NR5A2: variants seen among roughly 807,000 people sequenced by gnomAD.
The protein encoded by NR5A2 is nuclear receptor subfamily 5 group A member 2.
NR5A2 carries 26 observed loss-of-function variants against 62.7 expected under a neutral mutation model. The observed-to-expected ratio is 0.41, with a 90% CI of 0.30 to 0.58. The LOEUF (loss-of-function observed/expected upper bound fraction) is 0.58, where lower values mean the gene tolerates loss of function less well. Ranked by LOEUF, NR5A2 falls within the 20% of genes least tolerant of loss-of-function variation. The probability of loss-of-function intolerance (pLI) is 0.22; values close to 1 mark genes in which losing one functional copy is unlikely to be tolerated. For missense variants in NR5A2, 541 were observed against 669.1 expected, an observed-to-expected ratio of 0.81 and a Z score of 2.11; for synonymous variants, 246 against 241.7, an observed-to-expected ratio of 1.02 and a Z score of -0.16.
chr1:200,157,605 C>G (rs934584700), intron 7 of NR5A2, among the ~76,000 whole-genome samples: 1 of 152,146 alleles, frequency 6.6e-6, no homozygotes, highest in Non-Finnish European at 1.5e-5. Flanking sequence ...TACACAAATA[C>G]AAAACAAATT....
intron 7 of NR5A2, among the ~76,000 whole-genome samples, chr1:200,158,178 CTTAA>C (rs975399706): frequency 6.6e-4 from 101 of 152,250 alleles, no homozygotes; most frequent in African/African-American, 2.3e-3. Context: ...CAGTCTAATG[CTTAA>C]TTAAAGTAAC....
rs767393832 is a variant in NR5A2, at chr1:200,034,783, CTTTTTTT to C, written c.65-4850_65-4844del. On this transcript the variant is annotated intron_variant, in intron 1 of 7. Coordinates refer to ENST00000367362, the MANE Select transcript of NR5A2 (RefSeq NM_205860.3). Reference sequence around the variant, plus strand: ...GTTATTCACACGTGCAGCAGAAAGGCTTTTTTTTTTTTTTTTTTTTTTTTTTTTTTTA... The same window carrying C: ...GTTATTCACACGTGCAGCAGAAAGGCTTTTTTTTTTTTTTTTTTTTTTTTA... Among the ~76,000 whole-genome samples the C allele has an allele frequency of 8.5e-3, 607 of 71,258 alleles. 9 individuals are homozygous for C. Among genetic ancestry groups the C allele is most frequent in the African/African-American group, 0.027 (506 of 18,892 alleles). 46.7% of individuals were successfully genotyped at this position (71,258 alleles called of 152,430 possible).
At chr1:200,073,006 A>C (rs1233092854) in intron 5 of NR5A2, among the ~76,000 whole-genome samples, 2 of 152,134 alleles carry the variant, frequency 1.3e-5, no homozygotes, top group Non-Finnish European at 1.5e-5. Context: ...TAGGTGACAC[A>C]AGATGTGATG....
intron 7 of NR5A2, among the ~76,000 whole-genome samples, chr1:200,129,227 A>ACT (rs140010775): frequency 0.041 from 6,049 of 149,000 alleles, 137 homozygotes; most frequent in East Asian, 0.067. Flanking sequence ...CACTTTTGAG[A>ACT]CTCTCTCTCT....
At chr1:200,172,390 A>T (rs1654223709) in intron 7 of NR5A2, among the ~76,000 whole-genome samples, 1 of 152,202 alleles carries the variant, frequency 6.6e-6, no homozygotes, top group African/African-American at 2.4e-5. Flanking sequence ...TCCAGAGCAC[A>T]CCAATGTGGT....
intron 7 of NR5A2, among the ~76,000 whole-genome samples, chr1:200,141,271 C>T (rs114267286): frequency 0.015 from 2,259 of 152,132 alleles, 64 homozygotes; most frequent in African/African-American, 0.051. Context: ...TTTATAGCAC[C>T]CACCCCTCCC....
intron 5 of NR5A2, among the ~76,000 whole-genome samples, chr1:200,099,530 C>T (rs2253771): frequency 0.3 from 45,326 of 151,934 alleles, 6,920 homozygotes; most frequent in Non-Finnish European, 0.33. Flanking sequence ...CCAAAATCTT[C>T]CTTAATTTAT....
At chr1:200,062,424 A>C (rs1294356230) in intron 5 of NR5A2, among the ~76,000 whole-genome samples, 3 of 152,184 alleles carry the variant, frequency 2.0e-5, no homozygotes, top group Non-Finnish European at 4.4e-5. Context: ...TCTTATCAGC[A>C]CAGTTGTGTG....
chr1:200,142,388 G>C (rs1295415415), intron 7 of NR5A2, among the ~76,000 whole-genome samples: 1 of 151,312 alleles, frequency 6.6e-6, no homozygotes, highest in South Asian at 2.1e-4. Context: ...TTATAGAGAT[G>C]GGGTTTCCCA....
At position 200,043,844 on chromosome 1, in the gene NR5A2, T is replaced by C. The variant is rs1236234751; in HGVS notation, c.273T>C (p.Asp91=). Reference sequence around the variant, plus strand: ...AAGAGCTTTGTCCCGTGTGTGGAGATAAAGTGTCTGGGTACCATTATGGGC... The same window carrying C: ...AAGAGCTTTGTCCCGTGTGTGGAGACAAAGTGTCTGGGTACCATTATGGGC... The part of the protein sequence containing the change: ...DLEELCPVCG[D]KVSGYHYGLL... Residue 91 remains aspartate (D), a synonymous_variant, in exon 3 of 8, where the codon GAT becomes GAC. Transcript: ENST00000367362. 2.5e-6 allele frequency: 4 copies of C among 1,613,962 alleles called. No homozygotes were observed. Among genetic ancestry groups the C allele is most frequent in the Non-Finnish European group, 2.5e-6 (3 of 1,179,894 alleles).
intron 5 of NR5A2, among the ~76,000 whole-genome samples, chr1:200,089,355 T>A (rs1379184096): frequency 6.6e-6 from 1 of 151,642 alleles, no homozygotes; most frequent in Non-Finnish European, 1.5e-5. Flanking sequence ...GAGACTGGGT[T>A]TCGCCACTTT....
At chr1:200,130,553 A>G (rs1173909906) in intron 7 of NR5A2, among the ~76,000 whole-genome samples, 1 of 152,228 alleles carries the variant, frequency 6.6e-6, no homozygotes, top group Non-Finnish European at 1.5e-5. Flanking sequence ...AGAAGGGTGG[A>G]AAACTAGTAA....
rs202072580 is a variant in NR5A2, at chr1:200,147,761, C to T, written c.1379-26202C>T. On this transcript the variant is annotated intron_variant, in intron 7 of 7. Transcript: ENST00000367362. This position sits in a 1 kb window ranked among gnomAD's most constrained non-coding sequence, Gnocchi z 4.9. Reference sequence around the variant, plus strand: ...TCCACGGTGAAGACGCGGATGCCGGCGCGAATGCCGGCACGGATGCCGGCA... The same window carrying T: ...TCCACGGTGAAGACGCGGATGCCGGTGCGAATGCCGGCACGGATGCCGGCA... 7.2e-4 allele frequency: 371 copies of T among 513,722 alleles called. No homozygotes were observed. Among genetic ancestry groups the T allele is most frequent in the African/African-American group, 6.7e-3 (339 of 50,758 alleles). The allele number at this position is 513,722 out of a possible 1,614,324, so 31.8% of individuals were successfully genotyped here. A position where few individuals can be genotyped will look rare whatever the true frequency, so the allele number is the denominator to read the frequency against.
chr1:200,168,430 T>G (rs1054915382), intron 7 of NR5A2, among the ~76,000 whole-genome samples: 4 of 152,156 alleles, frequency 2.6e-5, no homozygotes. Flanking sequence ...GTGCCTAGGC[T>G]GGTCTCAAAC....
At chr1:200,083,106 A>C (rs1664367105) in intron 5 of NR5A2, among the ~76,000 whole-genome samples, 1 of 152,208 alleles carries the variant, frequency 6.6e-6, no homozygotes, top group African/African-American at 2.4e-5. Context: ...AAGGTTAAGC[A>C]AGACAATGGG....
intron 7 of NR5A2, among the ~76,000 whole-genome samples, chr1:200,129,726 G>A (rs1298772491): frequency 6.6e-6 from 1 of 152,210 alleles, no homozygotes; most frequent in Non-Finnish European, 1.5e-5. Context: ...ACATTGTGGT[G>A]TAAATCATGA....
At chr1:200,040,200 A>G (rs1348278844) in intron 2 of NR5A2, among the ~76,000 whole-genome samples, 1 of 152,002 alleles carries the variant, frequency 6.6e-6, no homozygotes, top group African/African-American at 2.4e-5. Flanking sequence ...GTGTGGAGGG[A>G]GGCGACCCAG....
At chr1:200,063,196 GT>G (rs71817790) in intron 5 of NR5A2, among the ~76,000 whole-genome samples, 6,050 of 150,556 alleles carry the variant, frequency 0.04, 342 homozygotes, top group African/African-American at 0.13. Flanking sequence ...GCTAATTTTT[GT>G]TTTTTTTTAG....
Position 200,147,687 on chromosome 1 carries a change from G to C in NR5A2, c.1379-26276G>C. ...ACACGTGGAAGACATGGGTGGACTT[G>C]GGCTCCGAGGCGATCTCCTCCAGCT... On this transcript the variant is annotated intron_variant, in intron 7 of 7. Coordinates refer to ENST00000367362, the MANE Select transcript of NR5A2 (RefSeq NM_205860.3). This position sits in a 1 kb window ranked among gnomAD's most constrained non-coding sequence, Gnocchi z 4.9. The C allele has an allele frequency of 1.5e-6, 1 of 682,062 alleles. No homozygotes were observed. Among genetic ancestry groups the C allele is most frequent in the Non-Finnish European group, 2.8e-6 (1 of 359,832 alleles). The allele number at this position is 682,062 out of a possible 1,614,324, so 42.3% of individuals were successfully genotyped here. A position where few individuals can be genotyped will look rare whatever the true frequency, so the allele number is the denominator to read the frequency against.
Sources: allele counts gnomAD v4.1 joint callset (sites outside exome capture counted in the v4.1 genomes callset), GRCh38; gene constraint gnomAD v4.1.1; non-coding constraint Gnocchi (gnomAD v3.1); transcripts MANE v1.5; gene names NCBI Gene and HGNC (gene_info 2026-07-23, HGNC 2026-07-21).